The following ARHGEF12 variants were observed in gnomAD, a reference collection of about 807,000 sequenced individuals.
ARHGEF12 encodes the protein KMT2A/ARHGEF12 fusion protein.
Under a neutral mutation model 211.2 loss-of-function variants are expected in ARHGEF12, and 66 were observed. The ratio of observed to expected loss-of-function variants is 0.31; its 90% CI spans 0.26 to 0.38. ARHGEF12 has a LOEUF of 0.38. ARHGEF12 is among the 10% of genes least tolerant of loss of function. The pLI is 1.00. For missense variants in ARHGEF12, 1,429 were observed against 1,869.5 expected (o/e 0.76, Z 4.34); for synonymous variants, 592 against 638.4 (o/e 0.93, Z 1.09).
At chr11:120,410,061 T>C (rs1944834988) in intron 4 of ARHGEF12, 1 of 152,172 alleles carries the variant, frequency 6.6e-6, no homozygotes. Flanking sequence ...TTAATCGGAA[T>C]GGGAAAATTT....
At chr11:120,388,906 A>G (rs901973306) in intron 1 of ARHGEF12, among the ~76,000 whole-genome samples, 2 of 151,692 alleles carry the variant, frequency 1.3e-5, no homozygotes, top group African/African-American at 2.4e-5. Context: ...CTTGTTTCCC[A>G]GGCTGGAGTT....
intron 2 of ARHGEF12, among the ~76,000 whole-genome samples, chr11:120,407,219 A>G (rs1555105602): frequency 1.3e-5 from 2 of 152,198 alleles, no homozygotes; most frequent in Non-Finnish European, 2.9e-5. Flanking sequence ...TAATAATAAT[A>G]ATGTCATTGG....
rs978088308 is a variant in ARHGEF12 at position 120,436,751 on chromosome 11, C to T, written c.925-557C>T. ...TGATTTAAAATATATAGAAGATTTGCGTATGCAAATACTATACCATTTTAT... is the reference window on the plus strand; with the variant it reads ...TGATTTAAAATATATAGAAGATTTGTGTATGCAAATACTATACCATTTTAT... On this transcript the variant is annotated intron_variant, in intron 11 of 40. Transcript: ENST00000397843. 3.9e-5 allele frequency among the ~76,000 whole-genome samples: 6 copies of T among 152,052 alleles called. No homozygotes were observed. In the South Asian group the frequency reaches 6.2e-4, roughly 16 times the overall value.
At chr11:120,356,362 A>G (rs966453234) in intron 1 of ARHGEF12, among the ~76,000 whole-genome samples, 1 of 152,174 alleles carries the variant, frequency 6.6e-6, no homozygotes, top group African/African-American at 2.4e-5. Flanking sequence ...CTAGGATTAC[A>G]GGTGTGCGCC....
At chr11:120,366,859 A>G in intron 1 of ARHGEF12, among the ~76,000 whole-genome samples, 1 of 152,108 alleles carries the variant, frequency 6.6e-6, no homozygotes, top group East Asian at 1.9e-4. Flanking sequence ...TACCAAAAAT[A>G]TAAAAAATTA....
intron 4 of ARHGEF12, among the ~76,000 whole-genome samples, chr11:120,413,404 A>G (rs1301121491): frequency 6.6e-6 from 1 of 152,200 alleles, no homozygotes; most frequent in Non-Finnish European, 1.5e-5. Flanking sequence ...AATGCTGAAC[A>G]TATTGGAGAC....
chr11:120,487,383 G>A lies in ARHGEF12; in HGVS notation c.*2306G>A, dbSNP rs1460371529. The A allele has an allele frequency of 4.6e-6, 1 of 219,102 alleles. No homozygotes were observed. The highest frequency in any genetic ancestry group is 2.2e-5 in the African/African-American group (1 of 44,610). The allele number at this position is 219,102 out of a possible 1,614,324, so 13.6% of individuals were successfully genotyped here. A position where few individuals can be genotyped will look rare whatever the true frequency, so the allele number is the denominator to read the frequency against. ...AGATTTTCAAACAAAGCCCCAAGAT[G>A]AAGTCTAATTCTGAAAATATCTCAC... On this transcript the variant is annotated 3_prime_UTR_variant, in exon 41 of 41. Coordinates refer to ENST00000397843, the MANE Select transcript of ARHGEF12 (RefSeq NM_015313.3).
chr11:120,441,563 A>G, intron 13 of ARHGEF12, 144 bp from the exon 14 acceptor site: 2 of 604,170 alleles, frequency 3.3e-6, no homozygotes, highest in Non-Finnish European at 2.8e-6. Context: ...TCTGTTGCTA[A>G]TAAATTTTAG....
intron 1 of ARHGEF12, among the ~76,000 whole-genome samples, chr11:120,367,936 G>A (rs778663965): frequency 2.6e-5 from 4 of 152,090 alleles, no homozygotes; most frequent in African/African-American, 9.7e-5. Context: ...AGCTGTGATC[G>A]TGCCACTGCA....
intron 18 of ARHGEF12, 48 bp from the exon 19 acceptor site, chr11:120,447,826 A>G (rs1227232351): frequency 8.8e-6 from 12 of 1,366,942 alleles, no homozygotes; most frequent in Non-Finnish European, 1.2e-5. Flanking sequence ...AAAAAAATTA[A>G]TTAAACTTCC....
At chr11:120,415,338 A>G (rs901500662) in intron 4 of ARHGEF12, among the ~76,000 whole-genome samples, 1 of 152,142 alleles carries the variant, frequency 6.6e-6, no homozygotes, top group East Asian at 1.9e-4. Context: ...TTGTCCTGCC[A>G]GGATTTTATG....
chr11:120,371,885 A>G (rs1943599160), intron 1 of ARHGEF12, among the ~76,000 whole-genome samples: 1 of 152,270 alleles, frequency 6.6e-6, no homozygotes, highest in Admixed American at 6.5e-5. Context: ...AATATCTGCT[A>G]CAACAGTTTC....
intron 21 of ARHGEF12, chr11:120,450,831 T>G (rs1946188667): frequency 6.6e-6 from 1 of 152,226 alleles, no homozygotes; most frequent in Admixed American, 6.5e-5. Flanking sequence ...TTCATCTTCA[T>G]TCTTACAAAT....
chr11:120,419,123 C>T (rs1001652190), intron 4 of ARHGEF12, among the ~76,000 whole-genome samples: 10 of 151,898 alleles, frequency 6.6e-5, no homozygotes, highest in African/African-American at 2.4e-4. Context: ...CCACGTTCGG[C>T]TAATTTTTTT....
At chr11:120,483,743 T>C (rs1947323189) in intron 39 of ARHGEF12, among the ~76,000 whole-genome samples, 1 of 152,082 alleles carries the variant, frequency 6.6e-6, no homozygotes, top group African/African-American at 2.4e-5. Flanking sequence ...GCCTCCCCAG[T>C]AGCTGGGACT....
intron 39 of ARHGEF12, 42 bp downstream of exon 39, chr11:120,481,618 A>G: frequency 6.3e-7 from 1 of 1,577,680 alleles, no homozygotes; most frequent in Non-Finnish European, 8.7e-7. Context: ...GTTGTAAGAA[A>G]CATTTAGCAG....
At chr11:120,338,892 C>T (rs1942440074) in intron 1 of ARHGEF12, among the ~76,000 whole-genome samples, 1 of 151,976 alleles carries the variant, frequency 6.6e-6, no homozygotes, top group Non-Finnish European at 1.5e-5. Flanking sequence ...TTTTCCTTGT[C>T]TTCTCGTTAT....
intron 26 of ARHGEF12, 96 bp from the exon 27 acceptor site, chr11:120,460,576 G>T: frequency 1.1e-6 from 1 of 893,826 alleles, no homozygotes. Context: ...TGTGAAAATC[G>T]TCTTTATAAA....
At chr11:120,482,289 T>C (rs778540644) in intron 39 of ARHGEF12, among the ~76,000 whole-genome samples, 3 of 152,294 alleles carry the variant, frequency 2.0e-5, no homozygotes, top group East Asian at 1.9e-4. Flanking sequence ...TTAGGTGACA[T>C]TGGCAGCTTC....
Sources: allele counts gnomAD v4.1 joint callset (sites outside exome capture counted in the v4.1 genomes callset), GRCh38; gene constraint gnomAD v4.1.1; transcripts MANE v1.5; gene names NCBI Gene and HGNC (gene_info 2026-07-23, HGNC 2026-07-21).